The following TMEM223 variants were observed in gnomAD, a reference collection of about 807,000 sequenced individuals.
TMEM223 encodes the protein transmembrane protein 223.
In TMEM223, 14 loss-of-function variants were observed where a neutral mutation model predicts 14.1. That is an observed-to-expected ratio of 0.99 (90% CI 0.66 to 1.55). TMEM223 has a LOEUF of 1.55. TMEM223 is among the 40% of genes most tolerant of loss of function. The probability of loss-of-function intolerance (pLI) is 0.00; values close to 1 mark genes in which losing one functional copy is unlikely to be tolerated. For missense variants in TMEM223, 346 were observed against 269.9 expected (o/e 1.28, Z -1.97); for synonymous variants, 145 against 120.5 (o/e 1.20, Z -1.33).
chr11:62,777,086 G>A (rs1000571143), intron 1 of TMEM223, among the ~76,000 whole-genome samples: 1 of 151,926 alleles, frequency 6.6e-6, no homozygotes. Flanking sequence ...GGCAGAGGTT[G>A]CAGTGAGCTG....
intron 1 of TMEM223, among the ~76,000 whole-genome samples, chr11:62,780,021 C>G (rs1471764678): frequency 2.9e-5 from 4 of 139,840 alleles, no homozygotes; most frequent in Non-Finnish European, 6.1e-5. Flanking sequence ...ACTGTATTGC[C>G]CAGGCTGGTG....
chr11:62,772,008 G>A, exon 3 of TMEM223: 1 of 436,504 alleles, frequency 2.3e-6, no homozygotes, highest in Non-Finnish European at 4.6e-6. Flanking sequence ...TCCTGAATGC[G>A]GTATAGAGTA....
At chr11:62,781,557 C>T (rs567334564) in intron 1 of TMEM223, among the ~76,000 whole-genome samples, 2 of 151,266 alleles carry the variant, frequency 1.3e-5, no homozygotes, top group Non-Finnish European at 2.9e-5. Flanking sequence ...GCCTGTAGTC[C>T]CAGCTACTCG....
chr11:62,775,641 G>C (rs1267563918), intron 1 of TMEM223: 1 of 957,694 alleles, frequency 1.0e-6, no homozygotes, highest in Non-Finnish European at 1.5e-6. Context: ...TCCTCATCTG[G>C]GTACTCAGAG....
chr11:62,781,252 G>GA (rs780196135), intron 1 of TMEM223, among the ~76,000 whole-genome samples: 1 of 149,096 alleles, frequency 6.7e-6, no homozygotes, highest in African/African-American at 2.5e-5. Flanking sequence ...AAAAAAAAAA[G>GA]AAAAAGAAAC....
chr11:62,778,429 A>C (rs963330258), intron 1 of TMEM223: 5 of 1,448,054 alleles, frequency 3.5e-6, no homozygotes, highest in Non-Finnish European at 3.9e-6. Context: ...TGCGTCTAAC[A>C]TGTGTTTACC....
At chr11:62,781,857 C>G (rs767208601) in intron 1 of TMEM223, 1 of 1,582,906 alleles carries the variant, frequency 6.3e-7, no homozygotes, top group Admixed American at 1.7e-5. Flanking sequence ...TTACAATTTT[C>G]TGGTGGATCC....
At chr11:62,772,566 C>T (rs1258925582) in intron 2 of TMEM223, among the ~76,000 whole-genome samples, 2 of 146,402 alleles carry the variant, frequency 1.4e-5, no homozygotes, top group Non-Finnish European at 3.0e-5. Flanking sequence ...CGGTGGCTCT[C>T]ACGCCTGTAA....
At chr11:62,790,954 T>C (rs769569125) in intron 1 of TMEM223, 39 bp from the exon 2 acceptor site, 45 of 1,494,210 alleles carry the variant, frequency 3.0e-5, no homozygotes, top group African/African-American at 4.2e-5. Flanking sequence ...GGGTTTTCAC[T>C]GGGCATCTAA....
At chr11:62,788,886 C>G, downstream of TMEM223, 1 of 982,532 alleles carries the variant, frequency 1.0e-6, no homozygotes, top group East Asian at 2.5e-5. Context: ...ATCCCTGTCC[C>G]AGAAATAGGA....
downstream of TMEM223, chr11:62,787,588 C>T (rs2084302092): frequency 6.9e-7 from 1 of 1,444,848 alleles, no homozygotes; most frequent in South Asian, 1.4e-5. Context: ...CATGGCGAGG[C>T]CACTTTCGCT....
intron 1 of TMEM223, chr11:62,775,722 C>A (rs2084181959): frequency 1.3e-6 from 2 of 1,549,868 alleles, no homozygotes; most frequent in Non-Finnish European, 8.7e-7. Flanking sequence ...CACTCCTGGG[C>A]TCTCCGGGAG....
At chr11:62,789,059 G>A (rs777097022), downstream of TMEM223, 1 of 1,614,148 alleles carries the variant, frequency 6.2e-7, no homozygotes, top group Non-Finnish European at 8.5e-7. Flanking sequence ...GTATGGTGTG[G>A]CCACCCTGAA....
exon 3 of TMEM223, chr11:62,771,983 C>T (rs2084151575): frequency 1.0e-5 from 4 of 399,030 alleles, no homozygotes; most frequent in Non-Finnish European, 2.0e-5. Flanking sequence ...CCTTGTTCCC[C>T]ATACAGCTGG....
At chr11:62,777,019 C>T (rs745457219) in intron 1 of TMEM223, among the ~76,000 whole-genome samples, 15 of 151,436 alleles carry the variant, frequency 9.9e-5, no homozygotes, top group East Asian at 1.9e-4. Flanking sequence ...TGGCGGTGGG[C>T]GCCTGTAACC....
downstream of TMEM223, chr11:62,787,488 G>A: frequency 1.3e-6 from 2 of 1,579,912 alleles, no homozygotes; most frequent in African/African-American, 2.7e-5. Context: ...CCGCCTTCCT[G>A]TGCGGGGCCG....
At chr11:62,779,275 A>T (rs1375837918) in intron 1 of TMEM223, among the ~76,000 whole-genome samples, 1 of 151,654 alleles carries the variant, frequency 6.6e-6, no homozygotes, top group East Asian at 2.0e-4. Context: ...GCTCACTGCA[A>T]GCTCCGTCTC....
At chr11:62,775,944 A>AC (rs1463572206) in intron 1 of TMEM223, 2 of 1,581,522 alleles carry the variant, frequency 1.3e-6, no homozygotes, top group Non-Finnish European at 1.7e-6. Flanking sequence ...CACTCCCCTC[A>AC]CCCCCTGATA....
downstream of TMEM223, chr11:62,787,419 T>C: frequency 6.4e-7 from 1 of 1,557,062 alleles, no homozygotes; most frequent in Non-Finnish European, 8.6e-7. Flanking sequence ...CGCTTCCTGG[T>C]GGTCAGGGCG....
Sources: gnomAD v4.1 joint callset for allele counts (sites outside exome capture counted in the v4.1 genomes callset) on GRCh38, gnomAD v4.1.1 for gene constraint, MANE v1.5 for transcripts, NCBI Gene and HGNC (gene_info 2026-07-23, HGNC 2026-07-21) for gene names.